SH3RF2: variants seen among roughly 807,000 people sequenced by gnomAD.
SH3RF2 encodes the protein SH3 domain containing ring finger 2.
A neutral mutation model predicts 59.0 loss-of-function variants in SH3RF2; 43 were observed. That is an observed-to-expected ratio of 0.73 (90% CI 0.57 to 0.94). The LOEUF (loss-of-function observed/expected upper bound fraction) is 0.94, where lower values mean the gene tolerates loss of function less well. SH3RF2 is among the 40% of genes least tolerant of loss of function. SH3RF2 has a pLI of 0.00. For missense variants in SH3RF2, 930 were observed against 940.1 expected, an observed-to-expected ratio of 0.99 and a Z score of 0.14; for synonymous variants, 391 against 391.5, an observed-to-expected ratio of 1.00 and a Z score of 0.01.
downstream of SH3RF2, among the ~76,000 whole-genome samples, chr5:146,064,776 A>AAGGAAAGAAAGAAAGGAAAGG (rs1561773661): frequency 4.0e-4 from 10 of 24,846 alleles, 2 homozygotes; most frequent in African/African-American, 1.2e-3. Context: ...GGAAGGAAGG[A>AAGGAAAGAAAGAAAGGAAAGG]AAGGAAGGAA....
intron 2 of SH3RF2, among the ~76,000 whole-genome samples, chr5:145,946,162 A>C (rs1027883607): frequency 2.6e-5 from 4 of 152,224 alleles, no homozygotes; most frequent in Admixed American, 2.0e-4. Flanking sequence ...AGCATTCAAC[A>C]AACTGTTCCT....
intron 2 of SH3RF2, among the ~76,000 whole-genome samples, chr5:145,943,085 T>A (rs1348486955): frequency 6.6e-6 from 1 of 151,638 alleles, no homozygotes; most frequent in Non-Finnish European, 1.5e-5. Context: ...ATAATATATA[T>A]AAAGAGCTTA....
At chr5:146,072,745 C>G (rs1763264909) in intron 9 of SH3RF2, among the ~76,000 whole-genome samples, 1 of 152,116 alleles carries the variant, frequency 6.6e-6, no homozygotes, top group East Asian at 1.9e-4. Flanking sequence ...TAGTGAATCC[C>G]TTAGAGGGTT....
intron 2 of SH3RF2, among the ~76,000 whole-genome samples, chr5:145,961,256 A>T (rs1283229767): frequency 1.5e-5 from 2 of 137,528 alleles, no homozygotes; most frequent in Non-Finnish European, 3.0e-5. Flanking sequence ...GGTCATCTTC[A>T]GTTGTCACTT....
chr5:146,059,531 C>T (rs1016103003), intron 8 of SH3RF2, among the ~76,000 whole-genome samples: 3 of 150,698 alleles, frequency 2.0e-5, no homozygotes, highest in East Asian at 1.9e-4. Context: ...CTGCTTCACG[C>T]GCGCGTGTGT....
chr5:145,951,064 A>C (rs1043034767), intron 2 of SH3RF2, among the ~76,000 whole-genome samples: 7 of 152,242 alleles, frequency 4.6e-5, no homozygotes, highest in African/African-American at 1.7e-4. Flanking sequence ...AAGATACGGA[A>C]ACTTTGCATT....
intron 4 of SH3RF2, among the ~76,000 whole-genome samples, chr5:146,005,321 G>C (rs2149987206): frequency 6.6e-6 from 1 of 152,272 alleles, no homozygotes; most frequent in Non-Finnish European, 1.5e-5. Context: ...TGCATTTACT[G>C]GGTGCTTAAC....
At chr5:145,990,877 G>T (rs1385990926) in intron 2 of SH3RF2, among the ~76,000 whole-genome samples, 2 of 152,194 alleles carry the variant, frequency 1.3e-5, no homozygotes, top group Admixed American at 6.5e-5. Context: ...GGTGAGAAAA[G>T]CTAGTGCCAA....
chr5:146,016,608 C>A (rs1761117009), intron 5 of SH3RF2, among the ~76,000 whole-genome samples: 1 of 152,204 alleles, frequency 6.6e-6, no homozygotes, highest in East Asian at 1.9e-4. Context: ...AAGCCAAGTT[C>A]GTGTAATTTA....
rs781055446 is a variant in SH3RF2, at chr5:146,047,789, C to T, written c.1077C>T (p.Pro359=). Residue 359 remains proline (P), a synonymous_variant, in exon 6 of 10, where the codon CCC becomes CCT. Coordinates refer to ENST00000359120, the MANE Select transcript of SH3RF2 (RefSeq NM_152550.4). ...CTGTGCAGGTCAGCACTTATCACCC[C>T]GCACCTGTCTCTCCAGGACATTCCA... ...SCVGQVSTYH[P]APVSPGHSTA... The T allele has an allele frequency of 4.9e-5, 79 of 1,614,010 alleles. 1 individual carries two copies. The highest frequency in any genetic ancestry group is 3.2e-4 in the South Asian group (29 of 91,080).
intron 2 of SH3RF2, among the ~76,000 whole-genome samples, chr5:145,943,894 A>G (rs1757913078): frequency 6.6e-6 from 1 of 152,114 alleles, no homozygotes; most frequent in South Asian, 2.1e-4. Context: ...ATTAGCCAAT[A>G]TATATTTTTG....
At chr5:145,988,286 C>T (rs1375157928) in intron 2 of SH3RF2, among the ~76,000 whole-genome samples, 1 of 151,552 alleles carries the variant, frequency 6.6e-6, no homozygotes, top group Non-Finnish European at 1.5e-5. Context: ...AGAGCCCCCA[C>T]CATAAGTCAC....
chr5:146,004,074 T>C lies in SH3RF2; in HGVS notation c.665T>C (p.Val222Ala), dbSNP rs1760533902. 1 of 1,612,706 alleles carries C rather than the reference T, an allele frequency of 6.2e-7. No homozygotes were observed. Among genetic ancestry groups the C allele is most frequent in the Admixed American group, 1.7e-5 (1 of 59,954 alleles). Residue 222 changes from valine to alanine, a missense_variant, in exon 4 of 10, where the codon GTG (valine) becomes GCG (alanine). Val to Ala is a moderately conservative substitution (Grantham distance 64, BLOSUM62 0). Transcript: ENST00000359120. ...LTFLKDDIIT[V>A]ISRVDENWAE... ...CTCTTTCAGGACGATATCATCACTG[T>C]GATCAGCCGAGTGGATGAGAACTGG...
chr5:146,002,271 C>A (rs969715266), intron 3 of SH3RF2, among the ~76,000 whole-genome samples: 6 of 152,074 alleles, frequency 3.9e-5, no homozygotes, highest in South Asian at 2.1e-4. Context: ...GCCAACATAG[C>A]GAAACCCCGA....
chr5:146,076,887 AC>A (rs1287873812), intron 9 of SH3RF2, among the ~76,000 whole-genome samples: 1 of 152,156 alleles, frequency 6.6e-6, no homozygotes, highest in Non-Finnish European at 1.5e-5. Flanking sequence ...GTAAGATCTG[AC>A]TGTTCCACAC....
At chr5:145,977,134 CTG>C (rs1385587408) in intron 2 of SH3RF2, among the ~76,000 whole-genome samples, 1 of 152,234 alleles carries the variant, frequency 6.6e-6, no homozygotes, top group East Asian at 1.9e-4. Flanking sequence ...CAAGGGGAAA[CTG>C]GGGCAAGAGC....
intron 9 of SH3RF2, among the ~76,000 whole-genome samples, chr5:146,075,386 G>A (rs1253041763): frequency 5.3e-5 from 8 of 151,944 alleles, no homozygotes; most frequent in Admixed American, 1.3e-4. Flanking sequence ...CATGTTAATC[G>A]TAGAAACTAA....
intron 2 of SH3RF2, among the ~76,000 whole-genome samples, chr5:145,967,844 G>C (rs958933908): frequency 1.3e-5 from 2 of 152,078 alleles, no homozygotes; most frequent in Non-Finnish European, 2.9e-5. Context: ...ATTTTTAGTA[G>C]AGACAGGGTT....
At chr5:146,056,275 G>A (rs773619996) in intron 8 of SH3RF2, 62 bp downstream of exon 8, 1 of 1,607,932 alleles carries the variant, frequency 6.2e-7, no homozygotes, top group Non-Finnish European at 8.5e-7. Context: ...TGACCCAGGG[G>A]TACACAGGAT....
Sources: gnomAD v4.1 joint callset for allele counts (sites outside exome capture counted in the v4.1 genomes callset) on GRCh38, gnomAD v4.1.1 for gene constraint, MANE v1.5 for transcripts, NCBI Gene and HGNC (gene_info 2026-07-23, HGNC 2026-07-21) for gene names.